Variants in SLC35F1 observed in about 807,000 individuals in gnomAD.
SLC35F1 encodes the protein chromosome 6 open reading frame 169.
A neutral mutation model predicts 48.7 loss-of-function variants in SLC35F1; 14 were observed. That is an observed-to-expected ratio of 0.29 (90% CI 0.19 to 0.45). SLC35F1 has a LOEUF of 0.45. SLC35F1 is among the 20% of genes least tolerant of loss of function. SLC35F1 has a pLI of 1.00. For missense variants in SLC35F1, 404 were observed against 500.0 expected (o/e 0.81, Z 1.83); for synonymous variants, 190 against 202.2 (o/e 0.94, Z 0.51).
rs557327991 is a variant in SLC35F1, at chr6:117,955,389, G to A, written c.173+47490G>A. The stretch of plus-strand genomic sequence containing the variant: ...AATGCGTGGTCTGACAAGTGGTCTT[G>A]AGAAATGGATTCCTGTTTGGAATCA... On this transcript the variant is annotated intron_variant, in intron 1 of 7. Transcript: ENST00000360388. Among the ~76,000 whole-genome samples the A allele has an allele frequency of 3.3e-5, 5 of 152,332 alleles. No individual in the cohort carries two copies. In the East Asian group the frequency reaches 9.7e-4, roughly 29 times the overall value.
intron 1 of SLC35F1, chr6:117,998,917 C>T (rs1174771789): frequency 5.3e-6 from 4 of 753,444 alleles, no homozygotes; most frequent in Non-Finnish European, 9.5e-6. Context: ...GCAAGAAATA[C>T]CTAAAATCAG....
intron 1 of SLC35F1, among the ~76,000 whole-genome samples, chr6:117,997,366 G>A (rs975849344): frequency 1.3e-5 from 2 of 150,468 alleles, no homozygotes; most frequent in African/African-American, 4.8e-5. Flanking sequence ...TATTATCCAG[G>A]AGAACTTCCC....
Position 118,002,383 on chromosome 6 carries a change from T to C in SLC35F1, c.173+94484T>C, listed in dbSNP as rs200403639. 7.2e-4 allele frequency among the ~76,000 whole-genome samples: 108 copies of C among 150,858 alleles called. 1 individual carries two copies. The East Asian group carries it at 0.02, about 28-fold the overall frequency. On this transcript the variant is annotated intron_variant, in intron 1 of 7. Coordinates refer to ENST00000360388, the MANE Select transcript of SLC35F1 (RefSeq NM_001029858.4). ...ACCAAACACCGCATGTTCTCACTCA[T>C]AGGTGGGAACTGAACAATGAGAACA... is the stretch of plus-strand genomic sequence containing the variant.
At chr6:118,197,629 C>T (rs1774819825) in intron 2 of SLC35F1, among the ~76,000 whole-genome samples, 1 of 151,988 alleles carries the variant, frequency 6.6e-6, no homozygotes, top group Non-Finnish European at 1.5e-5. Flanking sequence ...GGCTTTGGCA[C>T]AAATAAAGAC....
chr6:118,008,204 TATC>T (rs1777199944), intron 1 of SLC35F1, among the ~76,000 whole-genome samples: 1 of 152,068 alleles, frequency 6.6e-6, no homozygotes, highest in Admixed American at 6.6e-5. Context: ...TGTATCAAAA[TATC>T]ATATGTGCCC....
intron 1 of SLC35F1, among the ~76,000 whole-genome samples, chr6:118,009,769 T>C (rs375880122): frequency 2.6e-5 from 4 of 152,292 alleles, no homozygotes; most frequent in African/African-American, 9.6e-5. Flanking sequence ...AGTTCCTTAG[T>C]ATAAATTTTA....
At chr6:118,247,387 T>A (rs1775520849) in intron 3 of SLC35F1, among the ~76,000 whole-genome samples, 1 of 152,138 alleles carries the variant, frequency 6.6e-6, no homozygotes, top group Admixed American at 6.5e-5. Flanking sequence ...TCCAGCCCAC[T>A]CTGTTTTAGA....
In SLC35F1 at chr6:118,293,112, A is replaced by G. The variant is rs77223017; in HGVS notation, c.1002+7774A>G. On this transcript the variant is annotated intron_variant, in intron 7 of 7. Coordinates refer to ENST00000360388, the MANE Select transcript of SLC35F1 (RefSeq NM_001029858.4). ...GTCAGAGCTTGGTCTGAGGTCTATC[A>G]TCTTATAAGTATTGTACAAACAAGA... 1.2e-4 allele frequency among the ~76,000 whole-genome samples: 18 copies of G among 152,284 alleles called. No individual in the cohort carries two copies. The East Asian group carries it at 3.5e-3, about 29-fold the overall frequency.
chr6:118,307,227 T>G lies in SLC35F1; in HGVS notation c.1003-6801T>G, dbSNP rs59491395. Among the ~76,000 whole-genome samples the G allele has an allele frequency of 9.0e-3, 1,376 of 152,300 alleles. 24 individuals carry two copies. The highest frequency in any genetic ancestry group is 0.032 in the African/African-American group (1,313 of 41,580). ...AGGCACTCGTTTGTTTATTTTTGTCTTGATTAAATTAACATGAATTGAGAT... is the reference window on the plus strand; with the variant it reads ...AGGCACTCGTTTGTTTATTTTTGTCGTGATTAAATTAACATGAATTGAGAT... On this transcript the variant is annotated intron_variant, in intron 7 of 7. Coordinates refer to ENST00000360388, the MANE Select transcript of SLC35F1 (RefSeq NM_001029858.4).
At chr6:117,938,229 C>T (rs1776184277) in intron 1 of SLC35F1, among the ~76,000 whole-genome samples, 1 of 152,138 alleles carries the variant, frequency 6.6e-6, no homozygotes, top group South Asian at 2.1e-4. Context: ...AGTTACTGAT[C>T]TGTCAGTCTA....
At chr6:118,246,174 G>A (rs1775505244) in intron 3 of SLC35F1, among the ~76,000 whole-genome samples, 1 of 152,144 alleles carries the variant, frequency 6.6e-6, no homozygotes, top group Non-Finnish European at 1.5e-5. Flanking sequence ...GTTGGAAGGA[G>A]AATTTCAGAA....
chr6:118,305,048 ATGTGTGTGTG>A (rs758520455), intron 7 of SLC35F1, among the ~76,000 whole-genome samples: 40 of 80,226 alleles, frequency 5.0e-4, no homozygotes, highest in Non-Finnish European at 7.8e-4. Flanking sequence ...ATCAACAGGA[ATGTGTGTGTG>A]TGTGTGTGTG....
intron 1 of SLC35F1, among the ~76,000 whole-genome samples, chr6:118,012,366 C>G (rs1375482060): frequency 6.6e-6 from 1 of 151,636 alleles, no homozygotes; most frequent in African/African-American, 2.4e-5. Flanking sequence ...AGAAAAAGAC[C>G]CTCTGGATAC....
intron 7 of SLC35F1, among the ~76,000 whole-genome samples, chr6:118,309,109 C>T (rs1340518157): frequency 6.6e-6 from 1 of 151,918 alleles, no homozygotes; most frequent in Non-Finnish European, 1.5e-5. Context: ...AACAAGCATT[C>T]ATTATACGAA....
intron 1 of SLC35F1, among the ~76,000 whole-genome samples, chr6:118,129,200 A>T (rs2114417916): frequency 6.6e-6 from 1 of 152,320 alleles, no homozygotes; most frequent in African/African-American, 2.4e-5. Flanking sequence ...ATTGGGCCTT[A>T]GAGGAAATCA....
chr6:117,907,652 G>C lies in SLC35F1; in HGVS notation c.-75G>C. ...GGCCGCCCGGCCGGGTCCTCTGCGCGTTCCCGGGCCCGGAACCGGCACACG... is the reference window on the plus strand; with the variant it reads ...GGCCGCCCGGCCGGGTCCTCTGCGCCTTCCCGGGCCCGGAACCGGCACACG... On this transcript the variant is annotated 5_prime_UTR_variant, in exon 1 of 8. Transcript: ENST00000360388. 1.1e-6 allele frequency: 1 copy of C among 908,266 alleles called. No individual in the cohort carries two copies. Among genetic ancestry groups the C allele is most frequent in the South Asian group, 2.2e-5 (1 of 45,280 alleles). 56.3% of individuals were successfully genotyped at this position (908,266 alleles called of 1,614,324 possible).
intron 2 of SLC35F1, among the ~76,000 whole-genome samples, chr6:118,164,961 A>C (rs1362817252): frequency 6.6e-6 from 1 of 152,198 alleles, no homozygotes; most frequent in Non-Finnish European, 1.5e-5. Context: ...GCACAAGCTC[A>C]GAGACCCCTC....
intron 2 of SLC35F1, among the ~76,000 whole-genome samples, chr6:118,214,125 C>T (rs1255797809): frequency 6.6e-6 from 1 of 152,168 alleles, no homozygotes; most frequent in Non-Finnish European, 1.5e-5. Context: ...ATTCACTCTT[C>T]AGCAAATATA....
chr6:118,076,574 T>G (rs1252492420), intron 1 of SLC35F1, among the ~76,000 whole-genome samples: 3 of 151,892 alleles, frequency 2.0e-5, no homozygotes, highest in Admixed American at 2.0e-4. Context: ...AACAACCAGA[T>G]CCCATGAGAA....
Sources: gnomAD v4.1 joint callset for allele counts (sites outside exome capture counted in the v4.1 genomes callset) on GRCh38, gnomAD v4.1.1 for gene constraint, MANE v1.5 for transcripts, NCBI Gene and HGNC (gene_info 2026-07-23, HGNC 2026-07-21) for gene names.